Variants in DLGAP1 observed in about 807,000 individuals in gnomAD.
The protein encoded by DLGAP1 is DLG associated protein 1, also known as disks large-associated protein 1.
A neutral mutation model predicts 90.8 loss-of-function variants in DLGAP1; 11 were observed. That is an observed-to-expected ratio of 0.12 (90% CI 0.08 to 0.20). The LOEUF is 0.20. Ranked by LOEUF, DLGAP1 falls within the 10% of genes least tolerant of loss-of-function variation. The pLI is 1.00. For missense variants in DLGAP1, 1,050 were observed against 1,333.8 expected (o/e 0.79, Z 3.31); for synonymous variants, 558 against 540.7 (o/e 1.03, Z -0.44).
At chr18:4,014,447 T>G (rs1293380369) in intron 2 of DLGAP1, among the ~76,000 whole-genome samples, 1 of 152,114 alleles carries the variant, frequency 6.6e-6, no homozygotes, top group Non-Finnish European at 1.5e-5. Context: ...GGTATGAAAG[T>G]ACAGTCAGAT....
At chr18:4,319,701 T>G (rs2080628813) in intron 1 of DLGAP1, among the ~76,000 whole-genome samples, 1 of 152,134 alleles carries the variant, frequency 6.6e-6, no homozygotes. Context: ...AGTACTAAAG[T>G]GAGAATGAAA....
At chr18:3,841,243 G>A (rs1268162889) in intron 4 of DLGAP1, among the ~76,000 whole-genome samples, 4 of 152,120 alleles carry the variant, frequency 2.6e-5, no homozygotes, top group Admixed American at 2.6e-4. Context: ...TGTTTAAAAG[G>A]ACAATGGAAA....
chr18:3,914,259 C>T (rs1311907031), intron 3 of DLGAP1, among the ~76,000 whole-genome samples: 2 of 152,176 alleles, frequency 1.3e-5, no homozygotes, highest in African/African-American at 2.4e-5. Flanking sequence ...TCTGCTTCTA[C>T]GAGCTCCAGT....
intron 1 of DLGAP1, among the ~76,000 whole-genome samples, chr18:4,292,916 A>G (rs1385434638): frequency 6.6e-6 from 1 of 152,226 alleles, no homozygotes; most frequent in East Asian, 1.9e-4. Context: ...ACTGCCAACA[A>G]CATGAGTGAG....
At chr18:3,870,340 C>T (rs2070667688) in intron 4 of DLGAP1, among the ~76,000 whole-genome samples, 3 of 152,136 alleles carry the variant, frequency 2.0e-5, no homozygotes, top group African/African-American at 7.2e-5. Context: ...TATTATTGTG[C>T]CCATATGTAC....
chr18:4,163,427 G>A (rs2076880198), intron 1 of DLGAP1, among the ~76,000 whole-genome samples: 2 of 152,314 alleles, frequency 1.3e-5, no homozygotes, highest in Non-Finnish European at 2.9e-5. Context: ...TGAGGAAAAG[G>A]TGTTCCAGGT....
chr18:4,200,971 C>T (rs1489563171), intron 1 of DLGAP1, among the ~76,000 whole-genome samples: 1 of 152,066 alleles, frequency 6.6e-6, no homozygotes, highest in Non-Finnish European at 1.5e-5. Context: ...CACAACTTCA[C>T]AACATTGTAA....
rs551574451 is a variant in DLGAP1 at position 3,924,008 on chromosome 18, C to T, written c.-72-43868G>A. On this transcript the variant is annotated intron_variant, in intron 3 of 12. Coordinates refer to ENST00000315677, the MANE Select transcript of DLGAP1 (RefSeq NM_004746.4). ...ACTGGAGAAAACATGATTCTCTAAC[C>T]ACATTTGAGAGTTCAGCCACATGTA... 6.9e-4 allele frequency among the ~76,000 whole-genome samples: 105 copies of T among 152,310 alleles called. 2 individuals are homozygous for T. The highest frequency in any genetic ancestry group is 2.4e-3 in the African/African-American group (99 of 41,552).
chr18:3,930,547 G>A (rs538898773), intron 3 of DLGAP1, among the ~76,000 whole-genome samples: 5 of 152,224 alleles, frequency 3.3e-5, no homozygotes, highest in East Asian at 1.9e-4. Context: ...GAAGGGTGCC[G>A]GGTCCCAGCC....
chr18:4,368,974 T>C (rs1598298326), intron 1 of DLGAP1, among the ~76,000 whole-genome samples: 1 of 152,110 alleles, frequency 6.6e-6, no homozygotes, highest in Admixed American at 6.5e-5. Flanking sequence ...TGGAGCAAAG[T>C]AGGTTAAAGA....
chr18:4,173,501 T>C (rs1004567223), intron 1 of DLGAP1, among the ~76,000 whole-genome samples: 2 of 152,176 alleles, frequency 1.3e-5, no homozygotes, highest in East Asian at 3.9e-4. Context: ...AGTGGGATGA[T>C]GTTCAACTGA....
In DLGAP1 at chr18:3,890,187, T is replaced by C. The variant is rs141297701; in HGVS notation, c.-72-10047A>G. Among the ~76,000 whole-genome samples, 59 of 152,362 alleles carry C rather than the reference T, an allele frequency of 3.9e-4. No homozygotes were observed. In the East Asian group the frequency reaches 0.011, roughly 28 times the overall value. On this transcript the variant is annotated intron_variant, in intron 3 of 12. Transcript: ENST00000315677. ...AGTCTCTGAAGTGGCCCCAACAGAA[T>C]TGGCTAAGTTATCCTCATACAGCTT... is the stretch of plus-strand genomic sequence containing the variant.
chr18:4,219,038 T>G (rs1234630647), intron 1 of DLGAP1, among the ~76,000 whole-genome samples: 3 of 145,758 alleles, frequency 2.1e-5, no homozygotes, highest in Non-Finnish European at 4.7e-5. Context: ...TTTTTTTTTT[T>G]TTTTTTTTTT....
chr18:3,650,153 C>A (rs1305500805), intron 7 of DLGAP1, among the ~76,000 whole-genome samples: 1 of 152,168 alleles, frequency 6.6e-6, no homozygotes, highest in Non-Finnish European at 1.5e-5. Context: ...AAGCGATTCT[C>A]CCGCTCATCC....
chr18:3,643,114 G>A (rs2058996840), intron 7 of DLGAP1, among the ~76,000 whole-genome samples: 1 of 152,132 alleles, frequency 6.6e-6, no homozygotes, highest in Admixed American at 6.5e-5. Flanking sequence ...CCCTAGCAAA[G>A]AAGGAAGAAG....
chr18:3,509,748 C>T (rs1426801635), intron 10 of DLGAP1, among the ~76,000 whole-genome samples: 1 of 152,192 alleles, frequency 6.6e-6, no homozygotes, highest in South Asian at 2.1e-4. Flanking sequence ...TTCTGAGCGA[C>T]GGAAACTGAA....
intron 7 of DLGAP1, among the ~76,000 whole-genome samples, chr18:3,628,508 A>G (rs2058398232): frequency 6.6e-6 from 1 of 152,092 alleles, no homozygotes; most frequent in African/African-American, 2.4e-5. Context: ...GAATAATTAC[A>G]AAATGAAGAT....
rs141968846 is a variant in DLGAP1 at position 3,630,277 on chromosome 18, C to T, written c.1592-48029G>A. 2.1e-4 allele frequency among the ~76,000 whole-genome samples: 32 copies of T among 152,244 alleles called. No homozygotes were observed. The East Asian group carries it at 4.6e-3, about 22-fold the overall frequency. On this transcript the variant is annotated intron_variant, in intron 7 of 12. Transcript: ENST00000315677. Reference sequence around the variant, plus strand: ...TGTCCGACTGGTTAAGTTGGGGCATCGGTTTTTTCCAGCCTTCAGACTTGG... The same window carrying T: ...TGTCCGACTGGTTAAGTTGGGGCATTGGTTTTTTCCAGCCTTCAGACTTGG...
chr18:4,186,227 T>G (rs1221276871), intron 1 of DLGAP1, among the ~76,000 whole-genome samples: 1 of 152,204 alleles, frequency 6.6e-6, no homozygotes, highest in Non-Finnish European at 1.5e-5. Context: ...TTCTGTAGGT[T>G]GTCTGTTTAC....
Sources: allele counts gnomAD v4.1 joint callset (sites outside exome capture counted in the v4.1 genomes callset), GRCh38; gene constraint gnomAD v4.1.1; transcripts MANE v1.5; gene names NCBI Gene and HGNC (gene_info 2026-07-23, HGNC 2026-07-21).